Variants in CPEB3 observed in about 807,000 individuals in gnomAD.
CPEB3 encodes cytoplasmic polyadenylation element-binding protein 3.
In CPEB3, 20 loss-of-function variants were observed where a neutral mutation model predicts 67.2. The ratio of observed to expected loss-of-function variants is 0.30; its 90% CI spans 0.21 to 0.43. The LOEUF is 0.43. CPEB3 is among the 20% of genes least tolerant of loss of function. The pLI is 1.00. For missense variants in CPEB3, 746 were observed against 968.6 expected, an observed-to-expected ratio of 0.77 and a Z score of 3.05; for synonymous variants, 376 against 393.1, an observed-to-expected ratio of 0.96 and a Z score of 0.51.
At chr10:92,111,529 A>G (rs983934637) in intron 6 of CPEB3, among the ~76,000 whole-genome samples, 1 of 152,236 alleles carries the variant, frequency 6.6e-6, no homozygotes, top group South Asian at 2.1e-4. Context: ...CTGCTTTCCA[A>G]TTTCTACAAA....
intron 4 of CPEB3, among the ~76,000 whole-genome samples, chr10:92,147,684 C>A (rs1846752914): frequency 6.6e-6 from 1 of 152,082 alleles, no homozygotes; most frequent in Non-Finnish European, 1.5e-5. Flanking sequence ...CCAAGTGACA[C>A]AAGAACACAA....
chr10:92,155,536 A>G (rs1445194323), intron 4 of CPEB3, among the ~76,000 whole-genome samples: 2 of 152,224 alleles, frequency 1.3e-5, no homozygotes, highest in African/African-American at 4.8e-5. Flanking sequence ...TTATATCATT[A>G]CATTTAAGGA....
chr10:92,138,134 A>C (rs893903606), intron 6 of CPEB3: 17 of 178,904 alleles, frequency 9.5e-5, no homozygotes, highest in Non-Finnish European at 1.9e-4. Flanking sequence ...TGGCTCTCAC[A>C]GAGTATTGAT....
chr10:92,286,223 C>T (rs1842520806), intron 1 of CPEB3, among the ~76,000 whole-genome samples: 1 of 152,004 alleles, frequency 6.6e-6, no homozygotes, highest in South Asian at 2.1e-4. Flanking sequence ...GCGTGAGCTA[C>T]CACACCCAGC....
intron 2 of CPEB3, among the ~76,000 whole-genome samples, chr10:92,234,317 T>C (rs929885641): frequency 1.3e-5 from 2 of 152,074 alleles, no homozygotes; most frequent in Admixed American, 6.6e-5. Context: ...TAAAGTAAAA[T>C]ATGTAAAGTA....
At chr10:92,169,677 T>C (rs1847915769) in intron 4 of CPEB3, among the ~76,000 whole-genome samples, 3 of 152,190 alleles carry the variant, frequency 2.0e-5, no homozygotes, top group African/African-American at 7.2e-5. Context: ...GGTAGGACCA[T>C]TCTTATTGTT....
At chr10:92,125,906 C>T (rs980567955) in intron 6 of CPEB3, among the ~76,000 whole-genome samples, 3 of 151,984 alleles carry the variant, frequency 2.0e-5, no homozygotes, top group East Asian at 3.9e-4. Flanking sequence ...GTATTTTTTG[C>T]AGAGATGGCG....
At chr10:92,094,395 G>A (rs1285010830) in intron 7 of CPEB3, among the ~76,000 whole-genome samples, 1 of 151,952 alleles carries the variant, frequency 6.6e-6, no homozygotes. Context: ...GAGGTCAGGA[G>A]ATCGAGACCA....
At position 92,209,222 on chromosome 10, in the gene CPEB3, G is replaced by A. The variant is rs139736672; in HGVS notation, c.1006-16586C>T. Reference sequence around the variant, plus strand: ...ACATTTTGGAAATTCTGACTGAACCGTCTTAATTTACTGCATATTAGGCCA... The same window carrying A: ...ACATTTTGGAAATTCTGACTGAACCATCTTAATTTACTGCATATTAGGCCA... On this transcript the variant is annotated intron_variant, in intron 2 of 9. Transcript: ENST00000265997. Among the ~76,000 whole-genome samples, 575 of 152,230 alleles carry A rather than the reference G, an allele frequency of 3.8e-3. 5 individuals carry two copies. The highest frequency in any genetic ancestry group is 0.013 in the African/African-American group (536 of 41,546).
chr10:92,211,309 A>G (rs577102727), intron 2 of CPEB3, among the ~76,000 whole-genome samples: 51 of 152,304 alleles, frequency 3.3e-4, no homozygotes, highest in Non-Finnish European at 6.2e-4. Flanking sequence ...GAAAACTCTT[A>G]CATTGTCTTT....
intron 4 of CPEB3, among the ~76,000 whole-genome samples, chr10:92,154,742 T>C (rs1008878558): frequency 6.6e-6 from 1 of 152,216 alleles, no homozygotes; most frequent in African/African-American, 2.4e-5. Context: ...AAACACATAC[T>C]AGAATGTCTT....
intron 1 of CPEB3, among the ~76,000 whole-genome samples, chr10:92,259,367 C>A (rs1008507102): frequency 6.6e-6 from 1 of 151,728 alleles, no homozygotes; most frequent in African/African-American, 2.4e-5. Flanking sequence ...TTTGGGAAGC[C>A]GAGGTGGGCA....
chr10:92,064,754 T>C (rs531054152), intron 9 of CPEB3, among the ~76,000 whole-genome samples: 109 of 152,298 alleles, frequency 7.2e-4, no homozygotes, highest in African/African-American at 2.5e-3. Context: ...AATATGGCCA[T>C]AGACATCCAC....
intron 7 of CPEB3, among the ~76,000 whole-genome samples, chr10:92,105,216 G>A (rs1844387267): frequency 6.6e-6 from 1 of 152,166 alleles, no homozygotes; most frequent in Non-Finnish European, 1.5e-5. Context: ...AGATTCGAAT[G>A]GGCCAAGATA....
At chr10:92,173,415 A>G (rs1188757108) in intron 4 of CPEB3, among the ~76,000 whole-genome samples, 2 of 152,176 alleles carry the variant, frequency 1.3e-5, no homozygotes, top group African/African-American at 4.8e-5. Flanking sequence ...ACAATATTCA[A>G]TATCAGGCCA....
At chr10:92,199,974 C>T (rs1423930475) in intron 2 of CPEB3, among the ~76,000 whole-genome samples, 1 of 151,926 alleles carries the variant, frequency 6.6e-6, no homozygotes, top group East Asian at 1.9e-4. Flanking sequence ...TCACTGTCTT[C>T]ATTCAATGGT....
In CPEB3 at chr10:92,116,252, TA is replaced by T. The variant is rs1208917572; in HGVS notation, c.1454-5059del. 5.2e-3 allele frequency among the ~76,000 whole-genome samples: 758 copies of T among 145,814 alleles called. 6 individuals carry two copies. Among genetic ancestry groups the T allele is most frequent in the South Asian group, 0.044 (203 of 4,618 alleles). On this transcript the variant is annotated intron_variant, in intron 6 of 9. Coordinates refer to ENST00000265997, the MANE Select transcript of CPEB3 (RefSeq NM_014912.5). ...TTAAGTTATTAAACACACCTTCCAG[TA>T]AAAAAAAAAAAAAATAATAATAATA...
intron 1 of CPEB3, among the ~76,000 whole-genome samples, chr10:92,242,415 C>A (rs1045202550): frequency 6.6e-6 from 1 of 152,152 alleles, no homozygotes; most frequent in Non-Finnish European, 1.5e-5. Flanking sequence ...GCAAATGAAG[C>A]TTTGATTTAG....
chr10:92,239,341 A>G lies in CPEB3; in HGVS notation c.1005+5T>C. 6.2e-7 allele frequency: 1 copy of G among 1,602,484 alleles called. No homozygotes were observed. ...AAGGAGTGTGTAGGTGCAGCAGAGT[A>G]TTACCTGAAATGGCAACAGATTGTT... On this transcript the variant is annotated splice_donor_5th_base_variant and intron_variant, in intron 2 of 9. Transcript: ENST00000265997. This position sits in a 1 kb window ranked among gnomAD's most constrained non-coding sequence, Gnocchi z 6.0.
Sources: gnomAD v4.1 joint callset for allele counts (sites outside exome capture counted in the v4.1 genomes callset) on GRCh38, gnomAD v4.1.1 for gene constraint, Gnocchi (gnomAD v3.1) non-coding constraint, MANE v1.5 for transcripts, NCBI Gene and HGNC (gene_info 2026-07-23, HGNC 2026-07-21) for gene names.